TPO: variants seen among roughly 807,000 people sequenced by gnomAD.
TPO encodes the protein thyroid peroxidase, also known as thyroid microsomal antigen.
A neutral mutation model predicts 96.9 loss-of-function variants in TPO; 78 were observed. The ratio of observed to expected loss-of-function variants is 0.81; its 90% confidence interval spans 0.67 to 0.97. The LOEUF is 0.97. Ranked by LOEUF, TPO falls within the 50% of genes least tolerant of loss-of-function variation. TPO has a pLI of 0.00. For missense variants in TPO, 1,252 were observed against 1,274.8 expected (o/e 0.98, Z 0.27); for synonymous variants, 547 against 538.0 (o/e 1.02, Z -0.23).
chr2:1,525,200 A>C (rs1219188090), intron 15 of TPO, among the ~76,000 whole-genome samples: 4 of 48,566 alleles, frequency 8.2e-5, no homozygotes, highest in African/African-American at 1.7e-4. Context: ...AAGTCCCCCC[A>C]CTGTGCAACC....
intron 15 of TPO, among the ~76,000 whole-genome samples, chr2:1,533,868 A>C (rs1573626537): frequency 1.2e-5 from 1 of 80,028 alleles, no homozygotes; most frequent in South Asian, 5.4e-4. Context: ...AAACCTCCCC[A>C]AATCCCCCCC....
At chr2:1,454,390 C>T (rs113656497) in intron 6 of TPO, among the ~76,000 whole-genome samples, 3 of 152,110 alleles carry the variant, frequency 2.0e-5, no homozygotes, top group Non-Finnish European at 2.9e-5. Flanking sequence ...TCTGTTTAGC[C>T]CAAAGAGCGC....
rs774276480 is a variant in TPO, at chr2:1,495,957, T to G, written c.2007-32T>G. ...CCTGCCCTGGGGGTTCTCCATGCAC[T>G]GTGACCTTACTCACTGTCTCCTTCT... On this transcript the variant is annotated intron_variant, in intron 11 of 16. Transcript: ENST00000329066. 1.9e-6 allele frequency: 3 copies of G among 1,605,934 alleles called. No individual in the cohort carries two copies. The South Asian group carries it at 3.3e-5, about 18-fold the overall frequency.
At chr2:1,515,035 G>A (rs1279631801) in intron 14 of TPO, among the ~76,000 whole-genome samples, 1 of 151,684 alleles carries the variant, frequency 6.6e-6, no homozygotes, top group African/African-American at 2.4e-5. Context: ...TCCAGCCCAA[G>A]TTTCTCAGAA....
intron 2 of TPO, 141 bp downstream of exon 2, chr2:1,414,643 T>C (rs932651022): frequency 2.8e-6 from 2 of 702,370 alleles, no homozygotes; most frequent in Non-Finnish European, 4.9e-6. Flanking sequence ...GAAAAAAAAA[T>C]TGTAATTCTT....
chr2:1,408,754 C>T (rs1662283582), upstream of TPO, among the ~76,000 whole-genome samples: 1 of 152,118 alleles, frequency 6.6e-6, no homozygotes, highest in Non-Finnish European at 1.5e-5. Flanking sequence ...CATTCCTCAC[C>T]AAATAGAAGT....
chr2:1,532,789 T>C (rs1573618677), intron 15 of TPO, among the ~76,000 whole-genome samples: 1 of 26,954 alleles, frequency 3.7e-5, no homozygotes. Flanking sequence ...CCTCCCCAAA[T>C]CCCCCACACT....
intron 9 of TPO, among the ~76,000 whole-genome samples, chr2:1,485,145 A>G (rs373795711): frequency 2.6e-5 from 4 of 151,958 alleles, no homozygotes; most frequent in South Asian, 2.1e-4. Context: ...ATGAGTGAGA[A>G]CATGCGGTGT....
Position 1,495,988 on chromosome 2 carries a change from GGTTT to G in TPO, c.2007_2010del (p.Trp669CysfsTer58). The G allele has an allele frequency of 6.2e-7, 1 of 1,612,248 alleles. No homozygotes were observed. The highest frequency in any genetic ancestry group is 1.1e-5 in the South Asian group (1 of 90,824). ...CTTACTCACTGTCTCCTTCTCTGGA[GGTTT>G]TGGTGGGAGAACAGCCACGTCTTCA... On this transcript the variant is annotated frameshift_variant and splice_region_variant, in exon 12 of 17. Coordinates refer to ENST00000329066, the MANE Select transcript of TPO (RefSeq NM_001206744.2). LOFTEE classifies it high-confidence loss of function.
chr2:1,499,145 G>A (rs771726079), intron 13 of TPO, among the ~76,000 whole-genome samples: 2 of 152,132 alleles, frequency 1.3e-5, no homozygotes, highest in African/African-American at 4.8e-5. Flanking sequence ...AGACCTTAGA[G>A]TGGATCAGGA....
At chr2:1,377,897 C>G (rs1661746619) in intron 1 of TPO, among the ~76,000 whole-genome samples, 1 of 152,152 alleles carries the variant, frequency 6.6e-6, no homozygotes, top group Admixed American at 6.5e-5. Context: ...GTGTCCCCAC[C>G]CAAATCTCAT....
At chr2:1,470,449 T>A (rs1669291123) in intron 7 of TPO, among the ~76,000 whole-genome samples, 1 of 151,834 alleles carries the variant, frequency 6.6e-6, no homozygotes, top group African/African-American at 2.4e-5. Flanking sequence ...TTTAGGTCGA[T>A]TTTCGTCAAT....
chr2:1,475,433 C>CT lies in TPO; in HGVS notation c.820-1645dup, dbSNP rs887405277. Among the ~76,000 whole-genome samples the CT allele has an allele frequency of 3.6e-4, 52 of 144,766 alleles. No individual in the cohort carries two copies. The Middle Eastern group carries it at 0.027, about 76-fold the overall frequency. The allele number at this position is 144,766 out of a possible 152,430, so 95.0% of individuals were successfully genotyped here. A position where few individuals can be genotyped will look rare whatever the true frequency, so the allele number is the denominator to read the frequency against. On this transcript the variant is annotated intron_variant, in intron 7 of 16. Transcript: ENST00000329066. ...GAAGCGCTTTTTTTTTTTCTTTTTT[C>CT]TTTTTTTTGAGACGGAATCTCGCTC... is the stretch of plus-strand genomic sequence containing the variant.
intron 7 of TPO, among the ~76,000 whole-genome samples, chr2:1,476,296 C>T (rs1669928513): frequency 6.6e-6 from 1 of 152,208 alleles, no homozygotes; most frequent in African/African-American, 2.4e-5. Context: ...TAGGCCCTGA[C>T]CCCGTGACAC....
At chr2:1,528,412 C>T (rs1198253491) in intron 15 of TPO, among the ~76,000 whole-genome samples, 1 of 140,842 alleles carries the variant, frequency 7.1e-6, no homozygotes, top group African/African-American at 2.7e-5. Context: ...CTCAAATCAC[C>T]CGGTGTGCAA....
intron 7 of TPO, among the ~76,000 whole-genome samples, chr2:1,465,869 C>T (rs371891161): frequency 3.9e-5 from 6 of 152,226 alleles, no homozygotes; most frequent in Admixed American, 1.3e-4. Context: ...TCCTCTTCGC[C>T]GATTTGGATG....
chr2:1,529,061 T>C (rs1439866998), intron 15 of TPO, among the ~76,000 whole-genome samples: 1 of 133,958 alleles, frequency 7.5e-6, no homozygotes, highest in African/African-American at 3.0e-5. Context: ...CCCCAGTGTG[T>C]GCAACTTCCC....
At chr2:1,422,911 G>A in intron 2 of TPO, 134 bp from the exon 3 acceptor site, 1 of 895,870 alleles carries the variant, frequency 1.1e-6, no homozygotes, top group South Asian at 1.4e-5. Flanking sequence ...GCGACCCCGG[G>A]ACCTGGCTGC....
chr2:1,540,691 CCGCAG>C lies in TPO; in HGVS notation c.2719_2723del (p.Gln907GlyfsTer72), dbSNP rs1199716844. 6 of 1,613,354 alleles carry C rather than the reference CCGCAG, an allele frequency of 3.7e-6. No individual in the cohort carries two copies. The highest frequency in any genetic ancestry group is 3.3e-5 in the South Asian group (3 of 91,082). On this transcript the variant is annotated frameshift_variant, in exon 16 of 17. Coordinates refer to ENST00000329066, the MANE Select transcript of TPO (RefSeq NM_001206744.2). LOFTEE classifies it low-confidence loss of function (END_TRUNC). The stretch of plus-strand genomic sequence containing the variant: ...AAAGCACCAGGCCGTAGGGACCTCA[CCGCAG>C]CGGGCCGCAGCTCAGGACTCGGAGC...
Sources: allele counts gnomAD v4.1 joint callset (sites outside exome capture counted in the v4.1 genomes callset), GRCh38; gene constraint gnomAD v4.1.1; transcripts MANE v1.5; gene names NCBI Gene and HGNC (gene_info 2026-07-23, HGNC 2026-07-21).